Variants in ZNF317 observed in about 807,000 individuals in gnomAD.
The protein encoded by ZNF317 is zinc finger protein 317, also known as KRAB-containing zinc finger protein 317.
A neutral mutation model predicts 23.4 loss-of-function variants in ZNF317; 17 were observed. The observed-to-expected ratio is 0.73, with a 90% CI of 0.50 to 1.09. The LOEUF (loss-of-function observed/expected upper bound fraction) is 1.09, where lower values mean the gene tolerates loss of function less well. Ranked by LOEUF, ZNF317 falls within the 50% of genes least tolerant of loss-of-function variation. The pLI is 0.00. For synonymous variants in ZNF317, 317 were observed against 314.9 expected, an observed-to-expected ratio of 1.01 and a Z score of -0.07; for missense variants, 679 against 796.7, an observed-to-expected ratio of 0.85 and a Z score of 1.78.
intron 1 of ZNF317, among the ~76,000 whole-genome samples, chr19:9,144,508 T>G (rs993460762): frequency 2.0e-4 from 31 of 152,316 alleles, no homozygotes; most frequent in African/African-American, 7.5e-4. Flanking sequence ...TTTCTGTACA[T>G]TTTGAATTTA....
chr19:9,156,755 T>G lies in ZNF317; in HGVS notation c.162+7T>G, dbSNP rs778880030. 7 of 1,613,096 alleles carry G rather than the reference T, an allele frequency of 4.3e-6. No homozygotes were observed. The South Asian group carries it at 7.7e-5, about 18-fold the overall frequency. On this transcript the variant is annotated splice_region_variant and intron_variant, in intron 3 of 6. Coordinates refer to ENST00000247956, the MANE Select transcript of ZNF317 (RefSeq NM_020933.5). ...ACCCAGTGTTGGTTCCCAGGTGCAC[T>G]AAGATCTCTGGGTCCCTAGAGCAGG...
rs1475178577 is a variant in ZNF317, at chr19:9,157,351, C to A, written c.246C>A (p.Tyr82Ter). The change falls in exon 4 of 7, where the codon TAC becomes TAA. Residue 82 changes from tyrosine to a stop codon, truncating the protein, a stop_gained. Coordinates refer to ENST00000247956, the MANE Select transcript of ZNF317 (RefSeq NM_020933.5). LOFTEE classifies it high-confidence loss of function. ...TGGATTCTTCTCAGAGAAAACTGTACAAAGATGTAATGCTGGAGAACTACA... is the reference window on the plus strand; with the variant it reads ...TGGATTCTTCTCAGAGAAAACTGTAAAAAGATGTAATGCTGGAGAACTACA... ...PLLDSSQRKLYKDVMLENYSN... is the reference protein window; with the variant it reads ...PLLDSSQRKL 6.2e-7 allele frequency: 1 copy of A among 1,614,002 alleles called. No individual in the cohort carries two copies. Among genetic ancestry groups the A allele is most frequent in the Admixed American group, 1.7e-5 (1 of 60,006 alleles).
chr19:9,153,264 C>T (rs759170052), intron 1 of ZNF317, among the ~76,000 whole-genome samples: 8 of 152,130 alleles, frequency 5.3e-5, no homozygotes, highest in African/African-American at 9.7e-5. Flanking sequence ...CGGGTTCAAG[C>T]GATTCTCCTG....
chr19:9,162,148 A>G lies in ZNF317; in HGVS notation c.*715A>G, dbSNP rs889400793. ...GCGACGATTTGGCTGTCTAGGCGTC[A>G]TTTGGCAATGTCTAGAGACATTTTT... On this transcript the variant is annotated 3_prime_UTR_variant, in exon 7 of 7. Coordinates refer to ENST00000247956, the MANE Select transcript of ZNF317 (RefSeq NM_020933.5). The G allele has an allele frequency of 2.6e-5, 4 of 152,000 alleles. No individual in the cohort carries two copies. The highest frequency in any genetic ancestry group is 7.3e-5 in the African/African-American group (3 of 41,372). The allele number at this position is 152,000 out of a possible 1,614,324, so 9.4% of individuals were successfully genotyped here. A position where few individuals can be genotyped will look rare whatever the true frequency, so the allele number is the denominator to read the frequency against.
At chr19:9,156,125 A>G in intron 2 of ZNF317, 84 bp downstream of exon 2, 1 of 1,535,818 alleles carries the variant, frequency 6.5e-7, no homozygotes. Flanking sequence ...TACGTACACC[A>G]TAGAGGGCTG....
chr19:9,160,925 TC>T lies in ZNF317; in HGVS notation c.1282del (p.Arg428GlufsTer10). On this transcript the variant is annotated frameshift_variant, in exon 7 of 7. Transcript: ENST00000247956. LOFTEE classifies it low-confidence loss of function (END_TRUNC). The surrounding 1 kb of genome is among the most constrained non-coding windows in gnomAD (Gnocchi z 6.8). Reference sequence around the variant, plus strand: ...GAATGTCGGCAGTGCGGGAAGACCTTCCGAAACCAGTCCATCCTTAAGACTC... The same window carrying T: ...GAATGTCGGCAGTGCGGGAAGACCTTCGAAACCAGTCCATCCTTAAGACTC... ...PVECRQCGKT[F>X]RNQSILKTHM... is the part of the protein sequence containing the mutation. 6.2e-7 allele frequency: 1 copy of T among 1,614,040 alleles called. No individual in the cohort carries two copies. Among genetic ancestry groups the T allele is most frequent in the Non-Finnish European group, 8.5e-7 (1 of 1,180,006 alleles).
At position 9,155,921 on chromosome 19, in the gene ZNF317, A is replaced by G. The variant is rs1483262342; in HGVS notation, c.-92-4A>G. 16 of 1,479,396 alleles carry G rather than the reference A, an allele frequency of 1.1e-5. No homozygotes were observed. The highest frequency in any genetic ancestry group is 1.7e-5 in the Admixed American group (1 of 59,640). 91.6% of individuals were successfully genotyped at this position (1,479,396 alleles called of 1,614,324 possible). The stretch of plus-strand genomic sequence containing the variant: ...TACTCCCGATGTTCTTTCATTTGCT[A>G]CAGATGCCAGCTTGGAGAGTCACGT... On this transcript the variant is annotated splice_polypyrimidine_tract_variant and splice_region_variant and intron_variant, in intron 1 of 6. Transcript: ENST00000247956.
intron 1 of ZNF317, among the ~76,000 whole-genome samples, chr19:9,146,659 A>T (rs920066912): frequency 1.7e-4 from 26 of 151,658 alleles, no homozygotes; most frequent in African/African-American, 5.3e-4. Flanking sequence ...TGAACTCCTG[A>T]CTTCAAATGA....
intron 1 of ZNF317, among the ~76,000 whole-genome samples, chr19:9,147,428 C>T (rs947652863): frequency 6.7e-6 from 1 of 149,452 alleles, no homozygotes; most frequent in Non-Finnish European, 1.5e-5. Flanking sequence ...CAAGCTCTGC[C>T]TCCTGGGTTT....
intron 3 of ZNF317, 29 bp downstream of exon 3, chr19:9,156,777 C>T: frequency 6.2e-7 from 1 of 1,605,914 alleles, no homozygotes; most frequent in Non-Finnish European, 8.5e-7. Context: ...GTCCCTAGAG[C>T]AGGAGAGGCA....
At position 9,160,113 on chromosome 19, in the gene ZNF317, G is replaced by A. The variant is rs752198668; in HGVS notation, c.469-1G>A. 6.2e-7 allele frequency: 1 copy of A among 1,613,808 alleles called. No homozygotes were observed. The highest frequency in any genetic ancestry group is 2.2e-5 in the East Asian group (1 of 44,864). ...GTCAGCACTTACGTCTTAACCAACA[G>A]GAAAGAGCCGGTCTTGGAGAGAAGT... On this transcript the variant is annotated splice_acceptor_variant, in intron 6 of 6. Coordinates refer to ENST00000247956, the MANE Select transcript of ZNF317 (RefSeq NM_020933.5). LOFTEE classifies it high-confidence loss of function. The surrounding 1 kb of genome is among the most constrained non-coding windows in gnomAD (Gnocchi z 6.8).
chr19:9,142,965 A>G (rs1013210261), intron 1 of ZNF317, among the ~76,000 whole-genome samples: 1 of 152,224 alleles, frequency 6.6e-6, no homozygotes, highest in African/African-American at 2.4e-5. Context: ...TGTTTTGCAT[A>G]AGAATAGAAT....
chr19:9,158,428 T>C lies in ZNF317; in HGVS notation c.385+353T>C, dbSNP rs563524588. On this transcript the variant is annotated intron_variant, in intron 5 of 6. Coordinates refer to ENST00000247956, the MANE Select transcript of ZNF317 (RefSeq NM_020933.5). ...ACTCTGTTGCCAGGCTGGAGTGCAG[T>C]GGCATGATCTCGGCTCACTGCAACC... Among the ~76,000 whole-genome samples, 20 of 137,320 alleles carry C rather than the reference T, an allele frequency of 1.5e-4. No homozygotes were observed. The South Asian group carries it at 4.5e-3, about 31-fold the overall frequency. The allele number at this position is 137,320 out of a possible 152,430, so 90.1% of individuals were successfully genotyped here.
At chr19:9,142,052 G>C (rs113633354) in intron 1 of ZNF317, among the ~76,000 whole-genome samples, 36,751 of 152,040 alleles carry the variant, frequency 0.24, 4,904 homozygotes, top group African/African-American at 0.37. Flanking sequence ...GTGATCCACC[G>C]GCCTTGGCCT....
In ZNF317 at chr19:9,156,016, G is replaced by A. The variant is rs1447355497; in HGVS notation, c.-1G>A. On this transcript the variant is annotated 5_prime_UTR_variant, in exon 2 of 7. Transcript: ENST00000247956. ...GGCAAACTGACTGCCATTCTCTGAG[G>A]ATGGCAGCTCTGTCCCCCACATTTG... The A allele has an allele frequency of 2.5e-6, 4 of 1,614,066 alleles. No individual in the cohort carries two copies. The highest frequency in any genetic ancestry group is 2.5e-6 in the Non-Finnish European group (3 of 1,180,050).
rs978300118 is a variant in ZNF317, at chr19:9,162,335, A to G, written c.*902A>G. 3 of 152,154 alleles carry G rather than the reference A, an allele frequency of 2.0e-5. No homozygotes were observed. Among genetic ancestry groups the G allele is most frequent in the African/African-American group, 4.8e-5 (2 of 41,454 alleles). 9.4% of individuals were successfully genotyped at this position (152,154 alleles called of 1,614,324 possible). A position where few individuals can be genotyped will look rare whatever the true frequency, so the allele number is the denominator to read the frequency against. The stretch of plus-strand genomic sequence containing the variant: ...AAAATAATCATGCAGTCATTCCTCA[A>G]TTACTGCCTGCAGCAATTCCTCCAT... On this transcript the variant is annotated 3_prime_UTR_variant, in exon 7 of 7. Coordinates refer to ENST00000247956, the MANE Select transcript of ZNF317 (RefSeq NM_020933.5).
At chr19:9,140,636 G>A in intron 1 of ZNF317, 44 bp downstream of exon 1, 1 of 452,884 alleles carries the variant, frequency 2.2e-6, no homozygotes, top group Non-Finnish European at 4.4e-6. Flanking sequence ...CAGTTCCAGG[G>A]GTCACGGGAG....
intron 1 of ZNF317, among the ~76,000 whole-genome samples, chr19:9,145,521 G>A (rs1417738946): frequency 2.0e-5 from 3 of 152,160 alleles, no homozygotes; most frequent in African/African-American, 7.2e-5. Context: ...TTGCTTAAAA[G>A]GTAACCTGTC....
chr19:9,159,585 C>T (rs1462640849), intron 6 of ZNF317, among the ~76,000 whole-genome samples: 1 of 147,380 alleles, frequency 6.8e-6, no homozygotes, highest in Non-Finnish European at 1.5e-5. Flanking sequence ...TTGCTCTTGT[C>T]ACCCAGGCTG....
Sources: gnomAD v4.1 joint callset for allele counts (sites outside exome capture counted in the v4.1 genomes callset) on GRCh38, gnomAD v4.1.1 for gene constraint, Gnocchi (gnomAD v3.1) non-coding constraint, MANE v1.5 for transcripts, NCBI Gene and HGNC (gene_info 2026-07-23, HGNC 2026-07-21) for gene names.